MCTP1: variants seen among roughly 807,000 people sequenced by gnomAD.
The protein encoded by MCTP1 is multiple C2 and transmembrane domain-containing protein 1.
In MCTP1, 69 loss-of-function variants were observed where a neutral mutation model predicts 120.6. The ratio of observed to expected loss-of-function variants is 0.57; its 90% confidence interval spans 0.47 to 0.70. The LOEUF is 0.70. MCTP1 is among the 30% of genes least tolerant of loss of function. MCTP1 has a pLI of 0.00. For synonymous variants in MCTP1, 529 were observed against 493.1 expected (o/e 1.07, Z -0.96); for missense variants, 1,203 against 1,248.8 (o/e 0.96, Z 0.55).
At chr5:95,165,222 C>T (rs904563489) in intron 1 of MCTP1, among the ~76,000 whole-genome samples, 2 of 152,160 alleles carry the variant, frequency 1.3e-5, no homozygotes, top group African/African-American at 2.4e-5. Flanking sequence ...GAAATAAATA[C>T]GATAAGCATC....
chr5:95,172,520 G>T (rs1747448091), intron 1 of MCTP1, among the ~76,000 whole-genome samples: 1 of 152,116 alleles, frequency 6.6e-6, no homozygotes, highest in Non-Finnish European at 1.5e-5. Context: ...TTAACCATTA[G>T]AGTGCTAAAA....
chr5:94,921,239 A>G (rs550197348), intron 7 of MCTP1, among the ~76,000 whole-genome samples: 4 of 152,334 alleles, frequency 2.6e-5, no homozygotes, highest in African/African-American at 9.6e-5. Context: ...TGTCATATCC[A>G]TGGCTTAATA....
intron 10 of MCTP1, among the ~76,000 whole-genome samples, chr5:94,904,563 C>A (rs1472552785): frequency 1.3e-5 from 2 of 152,056 alleles, no homozygotes; most frequent in African/African-American, 4.8e-5. Flanking sequence ...CTACTTTTCC[C>A]CCAAATATGG....
intron 17 of MCTP1, among the ~76,000 whole-genome samples, chr5:94,838,530 T>C (rs1790303750): frequency 6.6e-6 from 1 of 152,080 alleles, no homozygotes; most frequent in Admixed American, 6.5e-5. Flanking sequence ...CAGAGAACAA[T>C]ACTGGAATGC....
At chr5:95,182,506 T>G (rs1377373333) in intron 1 of MCTP1, among the ~76,000 whole-genome samples, 1 of 152,232 alleles carries the variant, frequency 6.6e-6, no homozygotes, top group Non-Finnish European at 1.5e-5. Context: ...GTACTATTTT[T>G]TCATTTTCTT....
intron 2 of MCTP1, among the ~76,000 whole-genome samples, chr5:95,007,494 T>C (rs1398900670): frequency 6.6e-6 from 1 of 152,190 alleles, no homozygotes; most frequent in African/African-American, 2.4e-5. Context: ...TTACTATGCC[T>C]TCCTCAATCA....
At chr5:94,944,776 A>C (rs32915) in intron 3 of MCTP1, among the ~76,000 whole-genome samples, 40,194 of 152,064 alleles carry the variant, frequency 0.26, 6,091 homozygotes, top group Admixed American at 0.36. Flanking sequence ...GCATTAATGA[A>C]ATTATTAGCT....
rs543769019 is a variant in MCTP1, at chr5:94,760,932, G to A, written c.2610+18178C>T. ...ACTCCTGGGCTCAAGCAATTATCTC[G>A]TCTCAGCCTCCCAAAGTGCTGAGAT... On this transcript the variant is annotated intron_variant, in intron 19 of 22. Transcript: ENST00000515393. Among the ~76,000 whole-genome samples the A allele has an allele frequency of 2.6e-5, 4 of 152,142 alleles. No homozygotes were observed. In the South Asian group the frequency reaches 6.2e-4, roughly 24 times the overall value.
chr5:94,720,426 C>A (rs185717511), intron 19 of MCTP1, among the ~76,000 whole-genome samples: 2 of 152,036 alleles, frequency 1.3e-5, no homozygotes, highest in African/African-American at 4.8e-5. Context: ...GTTTTAATTG[C>A]ATTTTTGTTT....
chr5:95,075,298 C>T (rs571782131), intron 1 of MCTP1, among the ~76,000 whole-genome samples: 180 of 152,316 alleles, frequency 1.2e-3, no homozygotes, highest in African/African-American at 4.1e-3. Flanking sequence ...TTAAAAGTCA[C>T]TTTCTCACAG....
chr5:95,212,052 C>G (rs1323546105), intron 1 of MCTP1, among the ~76,000 whole-genome samples: 3 of 151,982 alleles, frequency 2.0e-5, no homozygotes, highest in Non-Finnish European at 4.4e-5. Context: ...CACAAAAAAC[C>G]CTTCAAAAAA....
In MCTP1 at chr5:94,775,926, TATAA is replaced by T. The variant is rs1235152326; in HGVS notation, c.2610+3180_2610+3183del. Among the ~76,000 whole-genome samples, 45 of 147,368 alleles carry T rather than the reference TATAA, an allele frequency of 3.1e-4. 1 individual carries two copies. The highest frequency in any genetic ancestry group is 1.1e-3 in the African/African-American group (44 of 40,578). On this transcript the variant is annotated intron_variant, in intron 19 of 22. Transcript: ENST00000515393. ...TAAAAAACAACTAATATATATATCA[TATAA>T]ATATATTAATATATATTATAGAAAT...
intron 1 of MCTP1, among the ~76,000 whole-genome samples, chr5:95,187,406 T>C (rs1214785012): frequency 6.6e-6 from 1 of 152,178 alleles, no homozygotes; most frequent in Non-Finnish European, 1.5e-5. Context: ...CAAGTTTTTT[T>C]GTTTTTGTTT....
intron 1 of MCTP1, among the ~76,000 whole-genome samples, chr5:95,093,538 C>T (rs886590542): frequency 6.6e-6 from 1 of 152,020 alleles, no homozygotes; most frequent in African/African-American, 2.4e-5. Flanking sequence ...GTCTAAACTT[C>T]ATTTGGACCT....
intron 4 of MCTP1, among the ~76,000 whole-genome samples, chr5:94,941,517 T>C (rs1817712062): frequency 1.3e-5 from 2 of 152,018 alleles, no homozygotes; most frequent in Non-Finnish European, 2.9e-5. Flanking sequence ...AAATAGAAAG[T>C]AGTGATCTGG....
chr5:95,205,017 A>G (rs1369897270), intron 1 of MCTP1, among the ~76,000 whole-genome samples: 1 of 152,160 alleles, frequency 6.6e-6, no homozygotes, highest in Non-Finnish European at 1.5e-5. Context: ...ATTCAAAGGA[A>G]CCAGAATAGC....
chr5:94,921,338 G>A (rs1181903452), intron 7 of MCTP1, among the ~76,000 whole-genome samples: 2 of 152,150 alleles, frequency 1.3e-5, no homozygotes, highest in African/African-American at 2.4e-5. Flanking sequence ...TTTTCTTCCA[G>A]GAAAATTAAG....
At chr5:94,745,432 T>C (rs928060273) in intron 19 of MCTP1, among the ~76,000 whole-genome samples, 2 of 152,214 alleles carry the variant, frequency 1.3e-5, no homozygotes, top group Non-Finnish European at 2.9e-5. Context: ...ATACATATAT[T>C]TGACTTCTTT....
intron 1 of MCTP1, among the ~76,000 whole-genome samples, chr5:95,095,372 T>C (rs76660501): frequency 2.6e-5 from 4 of 152,188 alleles, no homozygotes; most frequent in Admixed American, 2.0e-4. Flanking sequence ...TTTAAGGTGC[T>C]TAGTAAACAG....
Sources: allele counts gnomAD v4.1 joint callset (sites outside exome capture counted in the v4.1 genomes callset), GRCh38; gene constraint gnomAD v4.1.1; transcripts MANE v1.5; gene names NCBI Gene and HGNC (gene_info 2026-07-23, HGNC 2026-07-21).